The following PIP4K2A variants were observed in gnomAD, a reference collection of about 807,000 sequenced individuals.
PIP4K2A encodes phosphatidylinositol-5-phosphate 4-kinase type 2 alpha, also known as phosphatidylinositol 5-phosphate 4-kinase type-2 alpha.
Under a neutral mutation model 42.9 loss-of-function variants are expected in PIP4K2A, and 14 were observed. That is an observed-to-expected ratio of 0.33 (90% CI 0.22 to 0.51). PIP4K2A has a LOEUF of 0.51. Among genes scored for constraint, PIP4K2A ranks in the 20% least tolerant of loss-of-function variants. The pLI, the probability that PIP4K2A is intolerant of heterozygous loss-of-function variation, is 0.97. For synonymous variants in PIP4K2A, 192 were observed against 192.2 expected, an observed-to-expected ratio of 1.00 and a Z score of 0.01; for missense variants, 434 against 519.8, an observed-to-expected ratio of 0.83 and a Z score of 1.61.
Position 22,601,130 on chromosome 10 carries a change from C to CAAAAAAAAAAAAAA in PIP4K2A, c.339+6783_339+6796dup, listed in dbSNP as rs1188396077. On this transcript the variant is annotated intron_variant, in intron 3 of 9. Coordinates refer to ENST00000376573, the MANE Select transcript of PIP4K2A (RefSeq NM_005028.5). Reference sequence around the variant, plus strand: ...CCTGGGCAACAGAGCGAGACTGTCTCAAAAAAAAAAAAAAAAAAAAAAAAA... The same window carrying CAAAAAAAAAAAAAA: ...CCTGGGCAACAGAGCGAGACTGTCTCAAAAAAAAAAAAAAAAAAAAAAAAAAAAAAAAAAAAAAA... 7.2e-4 allele frequency among the ~76,000 whole-genome samples: 23 copies of CAAAAAAAAAAAAAA among 31,922 alleles called. 2 individuals carry two copies. Among genetic ancestry groups the CAAAAAAAAAAAAAA allele is most frequent in the South Asian group, 2.4e-3 (1 of 412 alleles). 20.9% of individuals were successfully genotyped at this position (31,922 alleles called of 152,430 possible).
At chr10:22,612,570 ACAGAGGAGAGCAGCTCAGCAGAGGG>A (rs1421254298) in intron 1 of PIP4K2A, among the ~76,000 whole-genome samples, 1 of 152,198 alleles carries the variant, frequency 6.6e-6, no homozygotes, top group Admixed American at 6.5e-5. Context: ...ATTGCACCAG[ACAGAGGAGAGCAGCTCAGCAGAGGG>A]CGGAGGCGGC....
Position 22,562,729 on chromosome 10 carries a change from G to T in PIP4K2A, c.678+5122C>A, listed in dbSNP as rs565850846. The stretch of plus-strand genomic sequence containing the variant: ...TCGTTCTAGACGTGCTTCTCTTCTC[G>T]ACACGCTCCTCCTGGGTGACCTCAC... On this transcript the variant is annotated intron_variant, in intron 6 of 9. Transcript: ENST00000376573. Among the ~76,000 whole-genome samples the T allele has an allele frequency of 4.6e-5, 7 of 152,180 alleles. No homozygotes were observed. The South Asian group carries it at 1.5e-3, about 32-fold the overall frequency.
chr10:22,639,778 A>G (rs960519828), intron 1 of PIP4K2A, among the ~76,000 whole-genome samples: 1 of 152,188 alleles, frequency 6.6e-6, no homozygotes, highest in Non-Finnish European at 1.5e-5. Flanking sequence ...TATGAACACC[A>G]TCAAAACTAA....
intron 1 of PIP4K2A, chr10:22,694,253 C>G (rs141242382): frequency 6.6e-6 from 1 of 152,300 alleles, no homozygotes; most frequent in African/African-American, 2.4e-5. Flanking sequence ...CTTAATTTTA[C>G]CTTAAAAGCT....
At chr10:22,704,561 C>T (rs1588717162) in intron 1 of PIP4K2A, among the ~76,000 whole-genome samples, 1 of 147,576 alleles carries the variant, frequency 6.8e-6, no homozygotes, top group Non-Finnish European at 1.5e-5. Context: ...GAGTCTGAAG[C>T]AGGACTGCTT....
At position 22,536,307 on chromosome 10, in the gene PIP4K2A, T is replaced by A. The variant is rs1230873822; in HGVS notation, c.*894A>T. ...TATGCACTTTTCAGGTAAGCTTTAC[T>A]TTTATTTTGTAGCATTAATTCCTAT... On this transcript the variant is annotated 3_prime_UTR_variant, in exon 10 of 10. Transcript: ENST00000376573. 2.5e-6 allele frequency: 1 copy of A among 393,334 alleles called. No homozygotes were observed. Among genetic ancestry groups the A allele is most frequent in the Non-Finnish European group, 4.5e-6 (1 of 223,220 alleles). The allele number at this position is 393,334 out of a possible 1,614,324, so 24.4% of individuals were successfully genotyped here.
intron 7 of PIP4K2A, among the ~76,000 whole-genome samples, chr10:22,549,994 G>A (rs1316240065): frequency 1.3e-5 from 2 of 151,908 alleles, no homozygotes; most frequent in African/African-American, 4.8e-5. Context: ...ACAGGAAAAG[G>A]TACATTTTAA....
intron 1 of PIP4K2A, among the ~76,000 whole-genome samples, chr10:22,672,775 G>A (rs1039409032): frequency 2.0e-5 from 3 of 152,148 alleles, no homozygotes; most frequent in African/African-American, 7.2e-5. Flanking sequence ...CACACCAACC[G>A]TAATTTAGGA....
intron 1 of PIP4K2A, among the ~76,000 whole-genome samples, chr10:22,637,163 AT>A (rs1455489395): frequency 1.3e-5 from 2 of 152,236 alleles, no homozygotes; most frequent in Non-Finnish European, 2.9e-5. Context: ...ATGGAAGTGT[AT>A]ATTTTAAAAC....
chr10:22,541,725 G>T lies in PIP4K2A; in HGVS notation c.1036+79C>A, dbSNP rs1310799981. ...TGCCGGGCAGCACCCTCATAACTGG[G>T]GTAGTGCTTACTGGTAGATAACAAG... On this transcript the variant is annotated intron_variant, in intron 8 of 9. Transcript: ENST00000376573. The T allele has an allele frequency of 1.6e-5, 23 of 1,462,024 alleles. No homozygotes were observed. In the East Asian group the frequency reaches 5.0e-4, roughly 32 times the overall value. 90.6% of individuals were successfully genotyped at this position (1,462,024 alleles called of 1,614,324 possible).
chr10:22,569,428 C>T (rs1436939360), intron 5 of PIP4K2A, among the ~76,000 whole-genome samples: 1 of 152,232 alleles, frequency 6.6e-6, no homozygotes, highest in African/African-American at 2.4e-5. Flanking sequence ...CTCTGCACAG[C>T]CATGCCCAGC....
intron 1 of PIP4K2A, among the ~76,000 whole-genome samples, chr10:22,671,884 C>G (rs1588698538): frequency 6.6e-6 from 1 of 151,812 alleles, no homozygotes; most frequent in African/African-American, 2.4e-5. Flanking sequence ...CAAAAAATGT[C>G]TGGACTAGCA....
intron 1 of PIP4K2A, among the ~76,000 whole-genome samples, chr10:22,693,239 A>G (rs1220939834): frequency 6.6e-6 from 1 of 152,142 alleles, no homozygotes; most frequent in Non-Finnish European, 1.5e-5. Flanking sequence ...ACTGTGAAAA[A>G]TTTTATGGTA....
At chr10:22,666,582 AAC>A (rs1839357273) in intron 1 of PIP4K2A, among the ~76,000 whole-genome samples, 1 of 152,224 alleles carries the variant, frequency 6.6e-6, no homozygotes, top group South Asian at 2.1e-4. Flanking sequence ...CACCCAGGCT[AAC>A]ACAGCCCCTG....
intron 6 of PIP4K2A, among the ~76,000 whole-genome samples, chr10:22,562,825 C>T (rs953239442): frequency 3.9e-5 from 6 of 152,120 alleles, no homozygotes; most frequent in Non-Finnish European, 8.8e-5. Context: ...GCTAAGACAC[C>T]CTGTGCACCC....
intron 4 of PIP4K2A, among the ~76,000 whole-genome samples, chr10:22,576,673 T>C (rs576482188): frequency 1.1e-4 from 17 of 152,250 alleles, no homozygotes; most frequent in African/African-American, 3.9e-4. Flanking sequence ...AGTTATAAAG[T>C]TTTTAGAACA....
At chr10:22,706,630 C>T (rs529331701) in intron 1 of PIP4K2A, among the ~76,000 whole-genome samples, 3 of 152,164 alleles carry the variant, frequency 2.0e-5, no homozygotes, top group Non-Finnish European at 4.4e-5. Flanking sequence ...AGAGCAAGGT[C>T]CACAATATAT....
chr10:22,664,164 T>C (rs1407641216), intron 1 of PIP4K2A, among the ~76,000 whole-genome samples: 2 of 67,514 alleles, frequency 3.0e-5, no homozygotes, highest in South Asian at 3.2e-4. Context: ...CATATATATA[T>C]ATACATATAT....
intron 1 of PIP4K2A, among the ~76,000 whole-genome samples, chr10:22,664,155 A>G (rs1244555599): frequency 2.3e-3 from 14 of 6,168 alleles, no homozygotes; most frequent in African/African-American, 4.8e-3. Flanking sequence ...ATATATACAC[A>G]TATATATATA....
Sources: allele counts gnomAD v4.1 joint callset (sites outside exome capture counted in the v4.1 genomes callset), GRCh38; gene constraint gnomAD v4.1.1; transcripts MANE v1.5; gene names NCBI Gene and HGNC (gene_info 2026-07-23, HGNC 2026-07-21).